Variants in LIPC observed in about 807,000 individuals in gnomAD.
LIPC encodes the protein lipase C, hepatic type, also known as hepatic triacylglycerol lipase.
In LIPC, 44 loss-of-function variants were observed where a neutral mutation model predicts 50.7. The observed-to-expected ratio is 0.87, with a 90% CI of 0.68 to 1.11. LIPC has a LOEUF of 1.11. LIPC is among the 50% of genes most tolerant of loss of function. The pLI, the probability that LIPC is intolerant of heterozygous loss-of-function variation, is 0.00. For missense variants in LIPC, 697 were observed against 648.2 expected, an observed-to-expected ratio of 1.08 and a Z score of -0.82; for synonymous variants, 271 against 256.4, an observed-to-expected ratio of 1.06 and a Z score of -0.54.
At chr15:58,501,892 G>T (rs1287351800) in intron 1 of LIPC, among the ~76,000 whole-genome samples, 1 of 152,178 alleles carries the variant, frequency 6.6e-6, no homozygotes, top group East Asian at 1.9e-4. Flanking sequence ...GAAGGAGGTA[G>T]GAAAACTTGA....
intron 2 of LIPC, among the ~76,000 whole-genome samples, chr15:58,541,523 C>T (rs989900404): frequency 4.0e-5 from 6 of 151,776 alleles, no homozygotes; most frequent in Non-Finnish European, 8.8e-5. Flanking sequence ...AATCTGGAGA[C>T]ATTTTTGGTT....
At chr15:58,481,922 G>C (rs1235732468) in intron 1 of LIPC, among the ~76,000 whole-genome samples, 1 of 152,206 alleles carries the variant, frequency 6.6e-6, no homozygotes, top group Non-Finnish European at 1.5e-5. Context: ...TAAAAAGGGA[G>C]ATGTACACAT....
At chr15:58,546,211 A>G (rs1367601531) in intron 5 of LIPC, among the ~76,000 whole-genome samples, 2 of 152,212 alleles carry the variant, frequency 1.3e-5, no homozygotes, top group African/African-American at 4.8e-5. Flanking sequence ...GGATGAACAG[A>G]GGGCACCAAC....
chr15:58,565,127 G>C, intron 8 of LIPC: 1 of 1,419,082 alleles, frequency 7.0e-7, no homozygotes, highest in Admixed American at 2.0e-5. Context: ...TATCTCCCTG[G>C]GATGCAAAAT....
At chr15:58,452,357 A>G (rs913451520) in intron 1 of LIPC, among the ~76,000 whole-genome samples, 30 of 152,228 alleles carry the variant, frequency 2.0e-4, no homozygotes, top group African/African-American at 7.0e-4. Flanking sequence ...GATCCAATCC[A>G]TCAAGTTCAA....
intron 1 of LIPC, among the ~76,000 whole-genome samples, chr15:58,500,154 G>T (rs72743004): frequency 0.29 from 44,250 of 151,948 alleles, 6,679 homozygotes; most frequent in Admixed American, 0.37. Context: ...ACAGTAAGGA[G>T]GGGTGGAAAG....
chr15:58,438,911 G>A (rs538999513), intron 1 of LIPC, among the ~76,000 whole-genome samples: 3 of 152,210 alleles, frequency 2.0e-5, no homozygotes, highest in Non-Finnish European at 4.4e-5. Flanking sequence ...GTGGGGCTTG[G>A]CTAGGGGTGG....
At chr15:58,535,324 T>C (rs1395042708) in intron 1 of LIPC, among the ~76,000 whole-genome samples, 1 of 152,240 alleles carries the variant, frequency 6.6e-6, no homozygotes, top group African/African-American at 2.4e-5. Context: ...ACATGCTTAA[T>C]AAGTGTTTGT....
chr15:58,542,553 G>T lies in LIPC; in HGVS notation c.476G>T (p.Arg159Leu). The change falls in exon 4 of 9, where the codon CGA becomes CTA. Residue 159 changes from arginine to leucine, a missense_variant. By Grantham distance (102) the Arg-to-Leu change is moderately radical (BLOSUM62 -2). Transcript: ENST00000299022. ...RWLEESVQLS[R>L]SHVHLIGYSL... ...TTCCAGGAATCTGTGCAACTCTCTC[G>T]AAGCCATGTTCACCTAATTGGGTAC... 1 of 1,613,064 alleles carries T rather than the reference G, an allele frequency of 6.2e-7. No individual in the cohort carries two copies. The highest frequency in any genetic ancestry group is 2.2e-5 in the East Asian group (1 of 44,858).
At chr15:58,562,307 T>C (rs10851636) in intron 7 of LIPC, among the ~76,000 whole-genome samples, 144,083 of 152,262 alleles carry the variant, frequency 0.95, 68,407 homozygotes, top group Middle Eastern at 0.99. Context: ...ATGGCCCCAC[T>C]AGGGCCTGCA....
At chr15:58,504,462 AC>A (rs1222571390) in intron 1 of LIPC, among the ~76,000 whole-genome samples, 1 of 151,694 alleles carries the variant, frequency 6.6e-6, no homozygotes, top group African/African-American at 2.4e-5. Context: ...GGACGTCAAC[AC>A]CCCCCTCTCT....
At chr15:58,527,352 C>G (rs12899928) in intron 1 of LIPC, among the ~76,000 whole-genome samples, 135,035 of 152,172 alleles carry the variant, frequency 0.89, 60,662 homozygotes, top group Non-Finnish European at 0.97. Context: ...AGTCACCAAG[C>G]GCCTCAGGAA....
chr15:58,432,589 G>C (rs1300816056), intron 1 of LIPC, among the ~76,000 whole-genome samples: 1 of 152,190 alleles, frequency 6.6e-6, no homozygotes, highest in Non-Finnish European at 1.5e-5. Flanking sequence ...CTAAAGTAGA[G>C]ATATCATTGC....
intron 4 of LIPC, among the ~76,000 whole-genome samples, chr15:58,545,445 A>C (rs765912161): frequency 6.6e-6 from 1 of 152,130 alleles, no homozygotes; most frequent in African/African-American, 2.4e-5. Flanking sequence ...GGGTTTCACT[A>C]TGCTGCCCAG....
chr15:58,464,563 A>C (rs1220817505), intron 1 of LIPC, among the ~76,000 whole-genome samples: 4 of 152,230 alleles, frequency 2.6e-5, no homozygotes, highest in Admixed American at 2.6e-4. Context: ...CCAGTCCTTG[A>C]ATTCTGTCTA....
intron 1 of LIPC, among the ~76,000 whole-genome samples, chr15:58,513,141 G>A (rs1892384277): frequency 6.6e-6 from 1 of 152,124 alleles, no homozygotes; most frequent in African/African-American, 2.4e-5. Flanking sequence ...GCTCAGCACA[G>A]TCTGGAATCA....
chr15:58,433,403 C>G (rs764942915), intron 1 of LIPC, among the ~76,000 whole-genome samples: 3 of 152,188 alleles, frequency 2.0e-5, no homozygotes, highest in East Asian at 1.9e-4. Context: ...GCCCCTTGAG[C>G]CTTAACATAT....
chr15:58,567,436 G>A (rs573081136), intron 8 of LIPC, among the ~76,000 whole-genome samples: 235 of 148,560 alleles, frequency 1.6e-3, no homozygotes, highest in Middle Eastern at 3.5e-3. Flanking sequence ...GTTTAAATAT[G>A]CATACTACTT....
chr15:58,471,996 G>A (rs1890825178), intron 1 of LIPC, among the ~76,000 whole-genome samples: 1 of 152,186 alleles, frequency 6.6e-6, no homozygotes, highest in Non-Finnish European at 1.5e-5. Context: ...CAGGCCAAGT[G>A]TGGTGGCTCA....
Sources: allele counts gnomAD v4.1 joint callset (sites outside exome capture counted in the v4.1 genomes callset), GRCh38; gene constraint gnomAD v4.1.1; transcripts MANE v1.5; gene names NCBI Gene and HGNC (gene_info 2026-07-23, HGNC 2026-07-21).